QSOX1: variants seen among roughly 807,000 people sequenced by gnomAD.
The protein encoded by QSOX1 is quiescin sulfhydryl oxidase 1.
In QSOX1, 40 loss-of-function variants were observed where a neutral mutation model predicts 76.1. The ratio of observed to expected loss-of-function variants is 0.53; its 90% CI spans 0.41 to 0.68. QSOX1 has a LOEUF of 0.68. Among genes scored for constraint, QSOX1 ranks in the 30% least tolerant of loss-of-function variants. The probability of loss-of-function intolerance (pLI) is 0.00; values close to 1 mark genes in which losing one functional copy is unlikely to be tolerated. For synonymous variants in QSOX1, 392 were observed against 413.1 expected, an observed-to-expected ratio of 0.95 and a Z score of 0.62; for missense variants, 931 against 974.3, an observed-to-expected ratio of 0.96 and a Z score of 0.59.
chr1:180,166,396 A>G (rs757886586), intron 1 of QSOX1, 95 bp from the exon 2 acceptor site: 1 of 926,724 alleles, frequency 1.1e-6, no homozygotes, highest in Non-Finnish European at 1.7e-6. Context: ...AGGTGCTTTG[A>G]GGTTGGCAGG....
chr1:180,169,376 A>C (rs1662711400), intron 2 of QSOX1, among the ~76,000 whole-genome samples: 1 of 152,218 alleles, frequency 6.6e-6, no homozygotes, highest in Non-Finnish European at 1.5e-5. Flanking sequence ...GGGGTGGGGA[A>C]GGGCAGGTCT....
chr1:180,159,380 C>T (rs1662444176), intron 1 of QSOX1, among the ~76,000 whole-genome samples: 1 of 152,206 alleles, frequency 6.6e-6, no homozygotes, highest in African/African-American at 2.4e-5. Context: ...TTAAATGCAG[C>T]TTTGCTTTAA....
chr1:180,163,227 C>T (rs1357216703), intron 1 of QSOX1, among the ~76,000 whole-genome samples: 1 of 151,978 alleles, frequency 6.6e-6, no homozygotes. Flanking sequence ...ATTGGTTTGT[C>T]CTGTACTGTT....
intron 2 of QSOX1, among the ~76,000 whole-genome samples, chr1:180,174,436 C>T (rs1325892266): frequency 6.6e-6 from 1 of 152,222 alleles, no homozygotes. Context: ...CAGGTCCCCG[C>T]TTCAAGAGAA....
rs144269112 is a variant in QSOX1 at position 180,187,111 on chromosome 1, T to A, written c.1017+929T>A. Among the ~76,000 whole-genome samples, 916 of 152,240 alleles carry A rather than the reference T, an allele frequency of 6.0e-3. 4 individuals carry two copies. Among genetic ancestry groups the A allele is most frequent in the Non-Finnish European group, 0.011 (730 of 67,996 alleles). ...AAGCTGGGGCTGCCCTCGGGTGATT[T>A]GTGCCTCTCCTTGGGAACTTCCTGC... On this transcript the variant is annotated intron_variant, in intron 8 of 11. Transcript: ENST00000367602.
At chr1:180,162,222 A>G (rs1482719038) in intron 1 of QSOX1, among the ~76,000 whole-genome samples, 2 of 152,238 alleles carry the variant, frequency 1.3e-5, no homozygotes, top group Non-Finnish European at 2.9e-5. Context: ...ATCAATAAAT[A>G]TAACTCAAAG....
intron 2 of QSOX1, among the ~76,000 whole-genome samples, chr1:180,171,760 C>T (rs1015550965): frequency 2.0e-5 from 3 of 151,918 alleles, no homozygotes; most frequent in Admixed American, 1.3e-4. Context: ...GGAGAGCAGT[C>T]GAAAGTGAAG....
At chr1:180,171,413 G>A (rs59790893) in intron 2 of QSOX1, among the ~76,000 whole-genome samples, 3,802 of 151,644 alleles carry the variant, frequency 0.025, 153 homozygotes, top group African/African-American at 0.086. Flanking sequence ...AAAGCAGGTT[G>A]AGAGAGGGGT....
At chr1:180,182,941 G>A (rs1156973975) in intron 6 of QSOX1, among the ~76,000 whole-genome samples, 4 of 152,240 alleles carry the variant, frequency 2.6e-5, no homozygotes, top group Non-Finnish European at 2.9e-5. Context: ...GCTGCTCCTC[G>A]GGGCCCTCAG....
chr1:180,188,861 C>T (rs972450719), intron 8 of QSOX1, among the ~76,000 whole-genome samples: 2 of 152,250 alleles, frequency 1.3e-5, no homozygotes, highest in African/African-American at 2.4e-5. Context: ...GTGCTGTGCA[C>T]GTGCACACAC....
At chr1:180,189,994 C>A (rs958107141) in intron 9 of QSOX1, among the ~76,000 whole-genome samples, 2 of 152,170 alleles carry the variant, frequency 1.3e-5, no homozygotes, top group Non-Finnish European at 2.9e-5. Context: ...CTTGGTGAGA[C>A]CCCAGAGTTT....
intron 5 of QSOX1, among the ~76,000 whole-genome samples, chr1:180,179,506 A>T (rs1662977314): frequency 6.6e-6 from 1 of 152,210 alleles, no homozygotes; most frequent in African/African-American, 2.4e-5. Context: ...GCAGCAGTTT[A>T]TGTAAAGGGC....
chr1:180,159,585 G>T (rs368571329), intron 1 of QSOX1, among the ~76,000 whole-genome samples: 3 of 152,320 alleles, frequency 2.0e-5, no homozygotes, highest in African/African-American at 7.2e-5. Context: ...ACAGAAAAAG[G>T]CTGAAGAAAG....
rs747088025 is a variant in QSOX1 at position 180,183,996 on chromosome 1, T to C, written c.833T>C (p.Val278Ala). The C allele has an allele frequency of 6.2e-7, 1 of 1,614,162 alleles. No individual in the cohort carries two copies. Among genetic ancestry groups the C allele is most frequent in the South Asian group, 1.1e-5 (1 of 91,076 alleles). The change falls in exon 7 of 12, where the codon GTT (valine) becomes GCT (alanine). Residue 278 changes from valine (V) to alanine (A), a missense_variant. Transcript: ENST00000367602. ...ACCAGGGAGGCTGCCCAGACCACAG[T>C]TGCACCAACCACTGCTAACAAGATA... ...GLTREAAQTT[V>A]APTTANKIAP... is the part of the protein sequence containing the mutation.
chr1:180,183,906 G>T lies in QSOX1; in HGVS notation c.753-10G>T. On this transcript the variant is annotated splice_polypyrimidine_tract_variant and intron_variant, in intron 6 of 11. Transcript: ENST00000367602. ...TACTGCCTCTCCTCCCTGGTTCTGT[G>T]CCCTCACAGGCTCATGGAATCCAGG... 2 of 1,611,120 alleles carry T rather than the reference G, an allele frequency of 1.2e-6. No individual in the cohort carries two copies. The highest frequency in any genetic ancestry group is 1.1e-5 in the South Asian group (1 of 90,804).
In QSOX1 at chr1:180,175,956, G is replaced by A. The variant is rs1662881283; in HGVS notation, c.438G>A (p.Leu146=). The A allele has an allele frequency of 6.3e-7, 1 of 1,599,158 alleles. No homozygotes were observed. Among genetic ancestry groups the A allele is most frequent in the African/African-American group, 1.3e-5 (1 of 74,960 alleles). The change falls in exon 4 of 12, where the codon CTG becomes CTA. Residue 146 remains leucine (L), a synonymous_variant. Coordinates refer to ENST00000367602, the MANE Select transcript of QSOX1 (RefSeq NM_002826.5). ...TGGCTGGTGCTGACGTGCAGACACT[G>A]CGGGAGAGGCTCATTGACGCCCTGG... The part of the protein sequence containing the change: ...FPVAGADVQT[L]RERLIDALES...
chr1:180,156,630 A>G (rs968197272), intron 1 of QSOX1, among the ~76,000 whole-genome samples: 4 of 152,222 alleles, frequency 2.6e-5, no homozygotes, highest in African/African-American at 9.6e-5. Flanking sequence ...AATGAAACTT[A>G]TAAGCTGTTT....
chr1:180,198,120 C>T lies in QSOX1; in HGVS notation c.*1083C>T, dbSNP rs746521361. 2.2e-6 allele frequency: 1 copy of T among 452,086 alleles called. No individual in the cohort carries two copies. The highest frequency in any genetic ancestry group is 2.4e-5 in the Admixed American group (1 of 42,402). 28.0% of individuals were successfully genotyped at this position (452,086 alleles called of 1,614,324 possible). On this transcript the variant is annotated 3_prime_UTR_variant, in exon 12 of 12. Transcript: ENST00000367602. ...ACAGAGACCAGCCTCACCTGGAATG[C>T]AGCCAGACTCGATGTCCCTCAGCAC...
rs77533841 is a variant in QSOX1 at position 180,196,033 on chromosome 1, C to T, written c.1469-229C>T. 0.11 allele frequency among the ~76,000 whole-genome samples: 16,035 copies of T among 152,132 alleles called. 1,155 individuals are homozygous for T. The highest frequency in any genetic ancestry group is 0.21 in the Middle Eastern group (61 of 294). On this transcript the variant is annotated intron_variant, in intron 11 of 11. Transcript: ENST00000367602. The surrounding 1 kb of genome is among the most constrained non-coding windows in gnomAD (Gnocchi z 4.1). The stretch of plus-strand genomic sequence containing the variant: ...GCTTCCCTGGAAAACCACGGAGGGC[C>T]GGGGCTGAGGGGTAGGTGGATCTGC...
Sources: gnomAD v4.1 joint callset for allele counts (sites outside exome capture counted in the v4.1 genomes callset) on GRCh38, gnomAD v4.1.1 for gene constraint, Gnocchi (gnomAD v3.1) non-coding constraint, MANE v1.5 for transcripts, NCBI Gene and HGNC (gene_info 2026-07-23, HGNC 2026-07-21) for gene names.